The following C1orf21 variants were observed in gnomAD, a reference collection of about 807,000 sequenced individuals.
C1orf21 encodes chromosome 1 open reading frame 21.
C1orf21 carries 3 observed loss-of-function variants against 18.7 expected under a neutral mutation model. That is an observed-to-expected ratio of 0.16 (90% confidence interval 0.07 to 0.42). The LOEUF is 0.42. Ranked by LOEUF, C1orf21 falls within the 10% of genes least tolerant of loss-of-function variation. C1orf21 has a pLI of 0.99. For synonymous variants in C1orf21, 41 were observed against 46.4 expected (o/e 0.88, Z 0.47); for missense variants, 104 against 143.6 (o/e 0.72, Z 1.41).
intron 1 of C1orf21, among the ~76,000 whole-genome samples, chr1:184,467,434 C>T (rs1657416932): frequency 6.6e-6 from 1 of 152,170 alleles, no homozygotes; most frequent in South Asian, 2.1e-4. Flanking sequence ...CATAGTCTTT[C>T]CCTTTAGAGC....
chr1:184,581,649 C>CTTGT (rs10646979), intron 3 of C1orf21, among the ~76,000 whole-genome samples: 87,998 of 151,532 alleles, frequency 0.58, 27,745 homozygotes, highest in African/African-American at 0.85. Context: ...TATATCATAG[C>CTTGT]TTATTTTAAT....
intron 3 of C1orf21, among the ~76,000 whole-genome samples, chr1:184,561,725 C>G (rs1435672316): frequency 6.6e-6 from 1 of 152,144 alleles, no homozygotes; most frequent in Admixed American, 6.5e-5. Flanking sequence ...TCAAGTAATT[C>G]TCCTGCCTCA....
intron 2 of C1orf21, among the ~76,000 whole-genome samples, chr1:184,484,387 A>T (rs1332452234): frequency 2.0e-5 from 3 of 152,326 alleles, no homozygotes; most frequent in African/African-American, 7.2e-5. Context: ...TGTTTTCCAA[A>T]TATAAACTTT....
intron 2 of C1orf21, among the ~76,000 whole-genome samples, chr1:184,500,089 C>G (rs1657951301): frequency 6.6e-6 from 1 of 152,168 alleles, no homozygotes; most frequent in African/African-American, 2.4e-5. Context: ...GAATCCTTGG[C>G]CACTCATTCT....
At chr1:184,390,739 T>C (rs1655958978) in intron 1 of C1orf21, among the ~76,000 whole-genome samples, 1 of 152,328 alleles carries the variant, frequency 6.6e-6, no homozygotes, top group East Asian at 1.9e-4. Context: ...AAAGATACTT[T>C]TATGAATAGG....
Position 184,496,411 on chromosome 1 carries a change from A to G in C1orf21, c.95-11177A>G, listed in dbSNP as rs1657894447. On this transcript the variant is annotated intron_variant, in intron 2 of 5. Coordinates refer to ENST00000235307, the MANE Select transcript of C1orf21 (RefSeq NM_030806.4). ...TTCTTGCCCTACTGCTTTGGCAAAT[A>G]TTTCATTGTTTATGTGCTGCCAAGA... 3.3e-5 allele frequency among the ~76,000 whole-genome samples: 5 copies of G among 152,284 alleles called. No homozygotes were observed. The South Asian group carries it at 8.3e-4, about 25-fold the overall frequency.
chr1:184,609,790 T>G (rs1376113336), intron 5 of C1orf21, among the ~76,000 whole-genome samples: 1 of 152,184 alleles, frequency 6.6e-6, no homozygotes, highest in Non-Finnish European at 1.5e-5. Flanking sequence ...AAAAGCAAAC[T>G]AAAACACTGT....
intron 1 of C1orf21, among the ~76,000 whole-genome samples, chr1:184,411,399 T>C (rs1218091070): frequency 6.6e-6 from 1 of 151,716 alleles, no homozygotes; most frequent in East Asian, 1.9e-4. Context: ...TGAAAAATTA[T>C]TGGTTATGGG....
At chr1:184,579,791 GAGCCACTGCGCCC>G (rs1461797374) in intron 3 of C1orf21, among the ~76,000 whole-genome samples, 1 of 152,156 alleles carries the variant, frequency 6.6e-6, no homozygotes, top group East Asian at 1.9e-4. Flanking sequence ...TTACAGGCAT[GAGCCACTGCGCCC>G]AGCCCAAGAT....
chr1:184,494,354 C>T (rs149458685), intron 2 of C1orf21, among the ~76,000 whole-genome samples: 1 of 152,274 alleles, frequency 6.6e-6, no homozygotes, highest in African/African-American at 2.4e-5. Flanking sequence ...TGTACACTGG[C>T]TTCTGTTCTA....
chr1:184,483,877 C>A (rs1019605914), intron 2 of C1orf21, among the ~76,000 whole-genome samples: 2 of 141,144 alleles, frequency 1.4e-5, no homozygotes, highest in African/African-American at 5.4e-5. Context: ...GAAGGTGGCT[C>A]ATATCCACCT....
chr1:184,544,842 C>T (rs1658706006), intron 3 of C1orf21, among the ~76,000 whole-genome samples: 1 of 152,176 alleles, frequency 6.6e-6, no homozygotes, highest in African/African-American at 2.4e-5. Context: ...GAATTCACTT[C>T]CCAAGCACAC....
intron 3 of C1orf21, among the ~76,000 whole-genome samples, chr1:184,580,085 C>A (rs1659255614): frequency 6.6e-6 from 1 of 152,090 alleles, no homozygotes; most frequent in African/African-American, 2.4e-5. Context: ...TGTTATCATT[C>A]TTTGGCCCTC....
intron 1 of C1orf21, among the ~76,000 whole-genome samples, chr1:184,399,603 C>T (rs965979888): frequency 8.5e-5 from 13 of 152,070 alleles, no homozygotes; most frequent in African/African-American, 2.4e-4. Context: ...AATCTGCCCA[C>T]CTTTGGCTCC....
At chr1:184,617,908 T>TG (rs1337853708) in intron 5 of C1orf21, among the ~76,000 whole-genome samples, 5 of 141,710 alleles carry the variant, frequency 3.5e-5, no homozygotes, top group East Asian at 2.0e-4. Context: ...GTTGTTGTTT[T>TG]TTTTTTTTTT....
chr1:184,591,117 C>A (rs143471361), intron 4 of C1orf21, among the ~76,000 whole-genome samples: 1 of 152,110 alleles, frequency 6.6e-6, no homozygotes, highest in African/African-American at 2.4e-5. Context: ...TGAGAATCTG[C>A]AGATTTTGTT....
chr1:184,592,745 C>T (rs1401321752), intron 4 of C1orf21, among the ~76,000 whole-genome samples: 1 of 152,182 alleles, frequency 6.6e-6, no homozygotes, highest in Non-Finnish European at 1.5e-5. Flanking sequence ...ACAAAAATTA[C>T]CTAACTCATA....
At chr1:184,422,926 A>G (rs1346144900) in intron 1 of C1orf21, among the ~76,000 whole-genome samples, 2 of 152,224 alleles carry the variant, frequency 1.3e-5, no homozygotes, top group East Asian at 3.8e-4. Flanking sequence ...TGCTGCAGGG[A>G]AAGCAGTCCT....
chr1:184,402,815 C>T (rs752442130), intron 1 of C1orf21, among the ~76,000 whole-genome samples: 23 of 152,104 alleles, frequency 1.5e-4, no homozygotes, highest in Non-Finnish European at 1.3e-4. Context: ...CATGGCAAGA[C>T]GCCATTTCGC....
Sources: allele counts gnomAD v4.1 joint callset (sites outside exome capture counted in the v4.1 genomes callset), GRCh38; gene constraint gnomAD v4.1.1; transcripts MANE v1.5; gene names NCBI Gene and HGNC (gene_info 2026-07-23, HGNC 2026-07-21).